GBE1: variants seen among roughly 807,000 people sequenced by gnomAD.
The protein encoded by GBE1 is 1,4-alpha-glucan-branching enzyme.
A neutral mutation model predicts 88.8 loss-of-function variants in GBE1; 70 were observed. The ratio of observed to expected loss-of-function variants is 0.79; its 90% CI spans 0.65 to 0.96. The LOEUF is 0.96. Ranked by LOEUF, GBE1 falls within the 40% of genes least tolerant of loss-of-function variation. The pLI is 0.00. For missense variants in GBE1, 872 were observed against 871.0 expected, an observed-to-expected ratio of 1.00 and a Z score of -0.01; for synonymous variants, 284 against 300.1, an observed-to-expected ratio of 0.95 and a Z score of 0.56.
chr3:81,739,874 C>G (rs747043501), intron 1 of GBE1, among the ~76,000 whole-genome samples: 1 of 152,126 alleles, frequency 6.6e-6, no homozygotes, highest in Non-Finnish European at 1.5e-5. Flanking sequence ...AAATAAATTA[C>G]ACATGCCTTT....
intron 14 of GBE1, among the ~76,000 whole-genome samples, chr3:81,528,987 A>G (rs1156551271): frequency 1.3e-5 from 2 of 152,032 alleles, no homozygotes; most frequent in African/African-American, 4.8e-5. Context: ...ATTTCTGATA[A>G]GGACTTATTG....
At position 81,525,272 on chromosome 3, in the gene GBE1, T is replaced by G. The variant is rs553985607; in HGVS notation, c.1934+9923A>C. Among the ~76,000 whole-genome samples the G allele has an allele frequency of 6.6e-5, 10 of 152,020 alleles. No homozygotes were observed. In the East Asian group the frequency reaches 9.7e-4, roughly 15 times the overall value. On this transcript the variant is annotated intron_variant, in intron 14 of 15. Coordinates refer to ENST00000429644, the MANE Select transcript of GBE1 (RefSeq NM_000158.4). ...TTGAATTTTGTCAAAGGCCTTTTCT[T>G]CATCTATTGAGATAATCATGTGGTT... is the stretch of plus-strand genomic sequence containing the variant.
At chr3:81,746,753 C>T (rs191004324) in intron 1 of GBE1, among the ~76,000 whole-genome samples, 14 of 151,948 alleles carry the variant, frequency 9.2e-5, no homozygotes, top group Non-Finnish European at 1.8e-4. Flanking sequence ...AAGAAAAAAC[C>T]TTAACATGAG....
Position 81,646,223 on chromosome 3 carries a change from G to C in GBE1, c.782+169C>G, listed in dbSNP as rs1475803524. Among the ~76,000 whole-genome samples, 3 of 152,138 alleles carry C rather than the reference G, an allele frequency of 2.0e-5. No individual in the cohort carries two copies. The South Asian group carries it at 6.2e-4, about 32-fold the overall frequency. ...CATAAAATCAAGGACAATTTCTAAG[G>C]CTGGAGGAGAAGAGAGTCTATGACC... On this transcript the variant is annotated intron_variant, in intron 6 of 15. Transcript: ENST00000429644.
chr3:81,704,501 C>A (rs1215188476), intron 2 of GBE1, among the ~76,000 whole-genome samples: 1 of 151,970 alleles, frequency 6.6e-6, no homozygotes, highest in Non-Finnish European at 1.5e-5. Flanking sequence ...TACCCACCAC[C>A]CCAACCCCTG....
chr3:81,503,908 C>T (rs1702622423), intron 14 of GBE1, among the ~76,000 whole-genome samples: 2 of 152,094 alleles, frequency 1.3e-5, no homozygotes, highest in African/African-American at 2.4e-5. Context: ...ATATAGGAAG[C>T]ATGGTGCTGG....
chr3:81,579,410 T>G (rs1208895996), intron 11 of GBE1, among the ~76,000 whole-genome samples: 1 of 152,156 alleles, frequency 6.6e-6, no homozygotes. Context: ...CCTGAATTTT[T>G]AAAGTATGAA....
intron 2 of GBE1, 92 bp downstream of exon 2, chr3:81,705,352 T>G: frequency 1.0e-6 from 1 of 954,456 alleles, no homozygotes; most frequent in South Asian, 2.1e-5. Flanking sequence ...ATCATTAAAG[T>G]TCATATGGTT....
intron 7 of GBE1, among the ~76,000 whole-genome samples, chr3:81,640,315 A>C (rs1248243192): frequency 6.6e-6 from 1 of 152,072 alleles, no homozygotes; most frequent in Non-Finnish European, 1.5e-5. Flanking sequence ...CACAGCCAGA[A>C]TAAAAGCAGG....
chr3:81,752,031 T>C (rs1479670684), intron 1 of GBE1, among the ~76,000 whole-genome samples: 1 of 152,248 alleles, frequency 6.6e-6, no homozygotes, highest in Non-Finnish European at 1.5e-5. Flanking sequence ...TATCATATTT[T>C]GGGTTGTAGA....
chr3:81,733,018 C>CT lies in GBE1; in HGVS notation c.144-27406_144-27405insA, dbSNP rs1465475140. On this transcript the variant is annotated intron_variant, in intron 1 of 15. Coordinates refer to ENST00000429644, the MANE Select transcript of GBE1 (RefSeq NM_000158.4). The surrounding 1 kb of genome is among the most constrained non-coding windows in gnomAD (Gnocchi z 4.0). ...GCCAGGGGTCCCCACCGGTCCATGG[C>CT]CTGTTAGGAATTGTGTCGCACAGCA... is the stretch of plus-strand genomic sequence containing the variant. Among the ~76,000 whole-genome samples the CT allele has an allele frequency of 6.6e-6, 1 of 152,128 alleles. No individual in the cohort carries two copies. Among genetic ancestry groups the CT allele is most frequent in the Non-Finnish European group, 1.5e-5 (1 of 68,016 alleles).
intron 7 of GBE1, among the ~76,000 whole-genome samples, chr3:81,629,069 G>T: frequency 8.5e-6 from 1 of 117,298 alleles, no homozygotes; most frequent in African/African-American, 3.5e-5. Flanking sequence ...GGGTACATGT[G>T]CACATTGTGC....
At chr3:81,519,401 C>T (rs187387870) in intron 14 of GBE1, among the ~76,000 whole-genome samples, 112 of 151,550 alleles carry the variant, frequency 7.4e-4, no homozygotes, top group Non-Finnish European at 1.4e-3. Flanking sequence ...CTCCTCTTAA[C>T]GTCACAACAT....
rs188839356 is a variant in GBE1 at position 81,557,851 on chromosome 3, G to A, written c.1618+20074C>T. On this transcript the variant is annotated intron_variant, in intron 12 of 15. Coordinates refer to ENST00000429644, the MANE Select transcript of GBE1 (RefSeq NM_000158.4). ...GGAGAAGGAGTCTGTGAAGCAGACAGGAGAATCATAACATAACAAAGAAGA... is the reference window on the plus strand; with the variant it reads ...GGAGAAGGAGTCTGTGAAGCAGACAAGAGAATCATAACATAACAAAGAAGA... Among the ~76,000 whole-genome samples, 8 of 152,120 alleles carry A rather than the reference G, an allele frequency of 5.3e-5. No individual in the cohort carries two copies. The East Asian group carries it at 1.5e-3, about 29-fold the overall frequency.
intron 1 of GBE1, among the ~76,000 whole-genome samples, chr3:81,706,784 G>T (rs1308176936): frequency 6.6e-6 from 1 of 151,816 alleles, no homozygotes; most frequent in African/African-American, 2.4e-5. Flanking sequence ...TATGACAACA[G>T]AATGAAAAGT....
chr3:81,629,947 A>G (rs1704483612), intron 7 of GBE1, among the ~76,000 whole-genome samples: 1 of 141,980 alleles, frequency 7.0e-6, no homozygotes, highest in African/African-American at 2.6e-5. Flanking sequence ...ATTCCCACGT[A>G]TGAGTGAGAA....
At chr3:81,551,921 G>T (rs950507584) in intron 12 of GBE1, among the ~76,000 whole-genome samples, 1 of 152,170 alleles carries the variant, frequency 6.6e-6, no homozygotes, top group African/African-American at 2.4e-5. Context: ...GAGCTGAAAG[G>T]GGCCAGGAAT....
chr3:81,745,770 T>C (rs1310625501), intron 1 of GBE1, among the ~76,000 whole-genome samples: 1 of 152,140 alleles, frequency 6.6e-6, no homozygotes, highest in Non-Finnish European at 1.5e-5. Context: ...TTACTCCACT[T>C]TACCTTTCTG....
chr3:81,597,253 G>GA (rs1355512860), intron 7 of GBE1, among the ~76,000 whole-genome samples: 1 of 151,570 alleles, frequency 6.6e-6, no homozygotes, highest in East Asian at 1.9e-4. Context: ...ATATACAGCA[G>GA]AATTTAAGAC....
Sources: gnomAD v4.1 joint callset for allele counts (sites outside exome capture counted in the v4.1 genomes callset) on GRCh38, gnomAD v4.1.1 for gene constraint, Gnocchi (gnomAD v3.1) non-coding constraint, MANE v1.5 for transcripts, NCBI Gene and HGNC (gene_info 2026-07-23, HGNC 2026-07-21) for gene names.